CD109: variants seen among roughly 807,000 people sequenced by gnomAD.
CD109 encodes CD109 molecule.
Under a neutral mutation model 165.8 loss-of-function variants are expected in CD109, and 149 were observed. That is an observed-to-expected ratio of 0.90 (90% CI 0.79 to 1.03). CD109 has a LOEUF of 1.03. Among genes scored for constraint, CD109 ranks in the 50% least tolerant of loss-of-function variants. CD109 has a pLI of 0.00. For synonymous variants in CD109, 585 were observed against 592.1 expected (o/e 0.99, Z 0.18); for missense variants, 1,712 against 1,677.8 (o/e 1.02, Z -0.36).
intron 28 of CD109, 60 bp from the exon 29 acceptor site, chr6:73,812,145 A>T: frequency 1.8e-6 from 2 of 1,095,690 alleles, no homozygotes; most frequent in South Asian, 2.6e-5. Flanking sequence ...CTGTTTTGCT[A>T]CTTGGAAGGA....
rs1410488010 is a variant in CD109 at position 73,811,157 on chromosome 6, A to AG, written c.3702+14dup. On this transcript the variant is annotated intron_variant, in intron 28 of 32. Coordinates refer to ENST00000287097, the MANE Select transcript of CD109 (RefSeq NM_133493.5). ...CCTTCAGACAGCAGAGGTGTGGGCA[A>AG]GGGGCAGTTATTTAAAAATCAGTGT... 3 of 1,607,734 alleles carry AG rather than the reference A, an allele frequency of 1.9e-6. No homozygotes were observed. Among genetic ancestry groups the AG allele is most frequent in the Non-Finnish European group, 2.5e-6 (3 of 1,177,812 alleles).
At chr6:73,739,663 A>T (rs1404092551) in intron 5 of CD109, among the ~76,000 whole-genome samples, 3 of 152,028 alleles carry the variant, frequency 2.0e-5, no homozygotes. Context: ...CTTGGCTAAT[A>T]CAGTGAAACC....
chr6:73,692,767 C>G (rs375286263), upstream of CD109, among the ~76,000 whole-genome samples: 1 of 152,036 alleles, frequency 6.6e-6, no homozygotes, highest in African/African-American at 2.4e-5. Flanking sequence ...ATAAATTTCA[C>G]GAAATATGAT....
At chr6:73,737,472 GAA>G (rs781395916) in intron 5 of CD109, among the ~76,000 whole-genome samples, 1,109 of 31,518 alleles carry the variant, frequency 0.035, 4 homozygotes, top group Admixed American at 0.05. Flanking sequence ...TCTACCGAAT[GAA>G]TGTATGATGT....
chr6:73,708,478 T>C (rs1302282235), intron 2 of CD109, among the ~76,000 whole-genome samples: 1 of 152,220 alleles, frequency 6.6e-6, no homozygotes, highest in Non-Finnish European at 1.5e-5. Context: ...TGTGTCTTTA[T>C]AGCAGCATGA....
chr6:73,785,499 T>C, intron 20 of CD109, 22 bp downstream of exon 20: 3 of 1,346,630 alleles, frequency 2.2e-6, no homozygotes, highest in African/African-American at 1.5e-5. Context: ...AAGCTTTTGT[T>C]GATCATTTAC....
intron 6 of CD109, among the ~76,000 whole-genome samples, chr6:73,758,429 A>G (rs1202054133): frequency 2.6e-5 from 4 of 152,166 alleles, no homozygotes; most frequent in Non-Finnish European, 5.9e-5. Flanking sequence ...TGTGTCACTC[A>G]GGCTGGAGTG....
chr6:73,730,699 A>G (rs1772334207), intron 4 of CD109, 125 bp downstream of exon 4: 2 of 653,310 alleles, frequency 3.1e-6, no homozygotes, highest in Admixed American at 5.6e-5. Context: ...TTCCCTCCCA[A>G]CATGGAACTC....
chr6:73,729,128 A>C (rs1190986402), intron 3 of CD109, among the ~76,000 whole-genome samples: 1 of 152,204 alleles, frequency 6.6e-6, no homozygotes. Flanking sequence ...AGACTTCTTT[A>C]GTGTCCTTAC....
At chr6:73,722,115 A>G (rs1771975095) in intron 2 of CD109, among the ~76,000 whole-genome samples, 1 of 152,258 alleles carries the variant, frequency 6.6e-6, no homozygotes, top group South Asian at 2.1e-4. Context: ...GACATTGGTA[A>G]GGTATACTAA....
chr6:73,779,759 T>C (rs9447017), intron 15 of CD109, among the ~76,000 whole-genome samples: 59,054 of 151,742 alleles, frequency 0.39, 11,800 homozygotes, highest in African/African-American at 0.47. Flanking sequence ...AATTACTGGG[T>C]CATATTCTAA....
the CD109 span, among the ~76,000 whole-genome samples, chr6:73,679,972 T>A: frequency 6.6e-6 from 1 of 152,172 alleles, no homozygotes; most frequent in African/African-American, 2.4e-5. Flanking sequence ...TGAACCATGT[T>A]TTACGTGGAA....
At chr6:73,679,699 G>A in the CD109 span, among the ~76,000 whole-genome samples, 96 of 151,684 alleles carry the variant, frequency 6.3e-4, no homozygotes, top group African/African-American at 2.2e-3. Context: ...GCAGCGGCAC[G>A]ATCTCGACTC....
chr6:73,762,473 C>T lies in CD109; in HGVS notation c.848C>T (p.Thr283Ile), dbSNP rs1773673773. The T allele has an allele frequency of 1.9e-6, 3 of 1,588,510 alleles. No individual in the cohort carries two copies. In the East Asian group the frequency reaches 6.7e-5, roughly 36 times the overall value. The change falls in exon 8 of 33, where the codon ACA becomes ATA. Residue 283 changes from threonine (T) to isoleucine (I), a missense_variant. Physicochemically the swap from Thr to Ile is moderately conservative, Grantham distance 89. Transcript: ENST00000287097. ...GGAAAGAAGAAAAATATTACAAAAA[C>T]ATTTAAGGTAACTTTTGCAGACACT... ...FWGKKKNITK[T>I]FKINGSANFS...
chr6:73,761,375 C>T (rs1171111264), intron 7 of CD109, among the ~76,000 whole-genome samples: 2 of 152,140 alleles, frequency 1.3e-5, no homozygotes, highest in African/African-American at 4.8e-5. Context: ...AGGAAACTGT[C>T]ACTTCCAATT....
At position 73,792,759 on chromosome 6, in the gene CD109, G is replaced by T; in HGVS notation, c.2835G>T (p.Leu945=). Residue 945 remains leucine (L), a synonymous_variant, in exon 23 of 33, where the codon CTG becomes CTT. Coordinates refer to ENST00000287097, the MANE Select transcript of CD109 (RefSeq NM_133493.5). ...ILDYLTKKKQ[L]TDNLKEKALS... ...ATTATCTGACTAAAAAGAAACAACT[G>T]ACAGATAATTTGAAAGAAAAAGCTC... 3 of 1,611,760 alleles carry T rather than the reference G, an allele frequency of 1.9e-6. No homozygotes were observed. The highest frequency in any genetic ancestry group is 2.2e-5 in the South Asian group (2 of 90,854).
At chr6:73,780,114 G>A (rs902483118) in intron 15 of CD109, among the ~76,000 whole-genome samples, 5 of 151,786 alleles carry the variant, frequency 3.3e-5, no homozygotes, top group Non-Finnish European at 7.4e-5. Flanking sequence ...AAAAGTGTGG[G>A]TCATTTTTAA....
At chr6:73,729,649 G>A (rs1224057036) in intron 3 of CD109, among the ~76,000 whole-genome samples, 2 of 151,960 alleles carry the variant, frequency 1.3e-5, no homozygotes, top group African/African-American at 4.8e-5. Context: ...GAGTAGCTGG[G>A]ACTACAGGCG....
intron 5 of CD109, among the ~76,000 whole-genome samples, chr6:73,747,648 T>C (rs543513777): frequency 6.6e-6 from 1 of 152,312 alleles, no homozygotes; most frequent in Admixed American, 6.5e-5. Context: ...AACATCTGTA[T>C]TTGGATGTTT....
Sources: gnomAD v4.1 joint callset for allele counts (sites outside exome capture counted in the v4.1 genomes callset) on GRCh38, gnomAD v4.1.1 for gene constraint, MANE v1.5 for transcripts, NCBI Gene and HGNC (gene_info 2026-07-23, HGNC 2026-07-21) for gene names.